Variants in CELF2 observed in about 807,000 individuals in gnomAD.
The protein encoded by CELF2 is CUG triplet repeat RNA-binding protein 2.
Under a neutral mutation model 62.6 loss-of-function variants are expected in CELF2, and 8 were observed. The ratio of observed to expected loss-of-function variants is 0.13; its 90% CI spans 0.07 to 0.23. The LOEUF is 0.23. Among genes scored for constraint, CELF2 ranks in the 10% least tolerant of loss-of-function variants. The probability of loss-of-function intolerance (pLI) is 1.00; values close to 1 mark genes in which losing one functional copy is unlikely to be tolerated. For missense variants in CELF2, 333 were observed against 671.0 expected, an observed-to-expected ratio of 0.50 and a Z score of 5.56; for synonymous variants, 258 against 250.0, an observed-to-expected ratio of 1.03 and a Z score of -0.30.
At chr10:11,062,752 C>G (rs537204189) in intron 1 of CELF2, among the ~76,000 whole-genome samples, 1 of 152,282 alleles carries the variant, frequency 6.6e-6, no homozygotes, top group South Asian at 2.1e-4. Flanking sequence ...CATAATATTC[C>G]ATAAACTTTG....
rs555786007 is a variant in CELF2, at chr10:11,246,738, C to A, written c.355-2415C>A. 6.6e-6 allele frequency among the ~76,000 whole-genome samples: 1 copy of A among 152,180 alleles called. No homozygotes were observed. Among genetic ancestry groups the A allele is most frequent in the Non-Finnish European group, 1.5e-5 (1 of 68,036 alleles). ...CTGGTATTCTCTGCAGTTCTGTCCTCGGCTCTCAGCTCTTTGCACCCTTCT... is the reference window on the plus strand; with the variant it reads ...CTGGTATTCTCTGCAGTTCTGTCCTAGGCTCTCAGCTCTTTGCACCCTTCT... On this transcript the variant is annotated intron_variant, in intron 3 of 12. Coordinates refer to ENST00000633077, the MANE Select transcript of CELF2 (RefSeq NM_001326342.2). The surrounding 1 kb of genome is among the most constrained non-coding windows in gnomAD (Gnocchi z 4.6).
At chr10:10,751,518 C>T in the CELF2 span, among the ~76,000 whole-genome samples, 1 of 152,168 alleles carries the variant, frequency 6.6e-6, no homozygotes, top group African/African-American at 2.4e-5. Context: ...GTAATTCCAC[C>T]CAGATGGTGT....
chr10:11,005,287 AGAGAGAGG>A (rs1192712021), upstream of CELF2: 3 of 1,563,142 alleles, frequency 1.9e-6, no homozygotes, highest in African/African-American at 3.5e-5. The surrounding 1 kb of genome is among the most constrained non-coding windows in gnomAD (Gnocchi z 4.3). Context: ...AGAGAGAGAG[AGAGAGAGG>A]GAGGAGAGGG....
intron 2 of CELF2, among the ~76,000 whole-genome samples, chr10:11,189,039 T>C (rs1409720155): frequency 1.3e-5 from 2 of 152,210 alleles, no homozygotes; most frequent in Non-Finnish European, 2.9e-5. Flanking sequence ...AATAACTTTT[T>C]TGAGTCCTTG....
intron 1 of CELF2, among the ~76,000 whole-genome samples, chr10:10,890,908 G>C (rs531729226): frequency 6.6e-6 from 1 of 152,052 alleles, no homozygotes; most frequent in South Asian, 2.1e-4. Flanking sequence ...CCAGCTACTC[G>C]GGAGGCTGAG....
chr10:10,725,162 G>A, the CELF2 span, among the ~76,000 whole-genome samples: 7 of 152,242 alleles, frequency 4.6e-5, no homozygotes, highest in South Asian at 1.0e-3. Context: ...CTTTCTTTCT[G>A]TATTACTGAC....
chr10:10,832,273 A>AAAAAAT (rs1554847839), intron 1 of CELF2, among the ~76,000 whole-genome samples: 56 of 151,052 alleles, frequency 3.7e-4, no homozygotes, highest in African/African-American at 1.3e-3. Flanking sequence ...ATCTAAAAAA[A>AAAAAAT]AAAAATAAAA....
At chr10:10,695,799 C>A in the CELF2 span, among the ~76,000 whole-genome samples, 1 of 152,016 alleles carries the variant, frequency 6.6e-6, no homozygotes, top group East Asian at 1.9e-4. Flanking sequence ...TTGATCGCAT[C>A]GGCTCCTGAG....
intron 1 of CELF2, among the ~76,000 whole-genome samples, chr10:11,129,959 G>A (rs2059361678): frequency 6.6e-6 from 1 of 152,154 alleles, no homozygotes. Flanking sequence ...TTTTAATTGT[G>A]ATGTTAGGGT....
At chr10:10,754,688 C>T in the CELF2 span, among the ~76,000 whole-genome samples, 2 of 152,206 alleles carry the variant, frequency 1.3e-5, no homozygotes, top group African/African-American at 4.8e-5. Flanking sequence ...AAATTTAAAA[C>T]ACCAGTAATG....
At chr10:10,630,882 CT>C in the CELF2 span, among the ~76,000 whole-genome samples, 1 of 152,140 alleles carries the variant, frequency 6.6e-6, no homozygotes, top group Non-Finnish European at 1.5e-5. Flanking sequence ...CCAATCTCCC[CT>C]TGACTCTCAT....
At chr10:10,530,479 A>C in the CELF2 span, among the ~76,000 whole-genome samples, 2 of 152,194 alleles carry the variant, frequency 1.3e-5, no homozygotes, top group East Asian at 3.9e-4. Context: ...ATAAACATCT[A>C]GAAGCTAGGA....
chr10:11,301,492 CA>C, intron 9 of CELF2, among the ~76,000 whole-genome samples: 1 of 19,466 alleles, frequency 5.1e-5, no homozygotes, highest in African/African-American at 2.3e-4. Flanking sequence ...CCCCCTACCG[CA>C]CCCCCCCACC....
chr10:10,537,559 T>C, the CELF2 span, among the ~76,000 whole-genome samples: 1 of 152,070 alleles, frequency 6.6e-6, no homozygotes, highest in Non-Finnish European at 1.5e-5. Flanking sequence ...AAAAAATACT[T>C]CATAACGACC....
chr10:11,135,281 T>G (rs1487746858), intron 1 of CELF2, among the ~76,000 whole-genome samples: 1 of 152,262 alleles, frequency 6.6e-6, no homozygotes, highest in Non-Finnish European at 1.5e-5. Context: ...ATAATTTATA[T>G]GCAGCGTCTA....
the CELF2 span, among the ~76,000 whole-genome samples, chr10:10,677,248 T>C: frequency 6.6e-6 from 1 of 152,186 alleles, no homozygotes; most frequent in East Asian, 1.9e-4. Flanking sequence ...ACTGACTGAG[T>C]GGGTCTTACG....
rs539763575 is a variant in CELF2, at chr10:11,074,567, G to T, written c.74+56404G>T. On this transcript the variant is annotated intron_variant, in intron 1 of 12. Transcript: ENST00000633077. Reference sequence around the variant, plus strand: ...GTTTGCCTAATTAATATTCACTATGGGATAAATTACCTGCTATTCTTTGAA... The same window carrying T: ...GTTTGCCTAATTAATATTCACTATGTGATAAATTACCTGCTATTCTTTGAA... 7.2e-5 allele frequency among the ~76,000 whole-genome samples: 11 copies of T among 152,252 alleles called. No homozygotes were observed. In the South Asian group the frequency reaches 2.3e-3, roughly 32 times the overall value.
intron 2 of CELF2, among the ~76,000 whole-genome samples, chr10:11,184,972 C>T (rs146489197): frequency 0.024 from 3,712 of 152,272 alleles, 75 homozygotes; most frequent in Non-Finnish European, 0.035. Flanking sequence ...TAGAGGAAGA[C>T]TTTTTCTTTA....
chr10:11,106,296 G>T (rs2142940794), intron 1 of CELF2, among the ~76,000 whole-genome samples: 1 of 151,570 alleles, frequency 6.6e-6, no homozygotes. Flanking sequence ...CAGTGCAGTG[G>T]CATGATCTCT....
Sources: allele counts gnomAD v4.1 joint callset (sites outside exome capture counted in the v4.1 genomes callset), GRCh38; gene constraint gnomAD v4.1.1; non-coding constraint Gnocchi (gnomAD v3.1); transcripts MANE v1.5; gene names NCBI Gene and HGNC (gene_info 2026-07-23, HGNC 2026-07-21).